LRRC37A2: variants seen among roughly 807,000 people sequenced by gnomAD.
LRRC37A2 encodes leucine rich repeat containing 37 member A2.
A neutral mutation model predicts 68.8 loss-of-function variants in LRRC37A2; 9 were observed. The ratio of observed to expected loss-of-function variants is 0.13; its 90% CI spans 0.08 to 0.23. The LOEUF (loss-of-function observed/expected upper bound fraction) is 0.23, where lower values mean the gene tolerates loss of function less well. LRRC37A2 is among the 10% of genes least tolerant of loss of function. LRRC37A2 has a pLI of 1.00. For synonymous variants in LRRC37A2, 63 were observed against 367.6 expected, an observed-to-expected ratio of 0.17 and a Z score of 9.48; for missense variants, 168 against 950.4, an observed-to-expected ratio of 0.18 and a Z score of 10.82.
chr17:46,962,942 A>G, the LRRC37A2 span, among the ~76,000 whole-genome samples: 1 of 152,208 alleles, frequency 6.6e-6, no homozygotes, highest in Non-Finnish European at 1.5e-5. Context: ...AATCCTTTCA[A>G]ACATACTTAG....
At chr17:46,903,218 T>C in the LRRC37A2 span, among the ~76,000 whole-genome samples, 1 of 151,136 alleles carries the variant, frequency 6.6e-6, no homozygotes, top group African/African-American at 2.4e-5. Flanking sequence ...GAGGTGGAGG[T>C]TGCAGTGAGC....
At chr17:46,550,737 C>T (rs1256619270) in intron 11 of LRRC37A2, among the ~76,000 whole-genome samples, 2 of 127,564 alleles carry the variant, frequency 1.6e-5, no homozygotes, top group South Asian at 5.2e-4. Context: ...TGAATTGAAA[C>T]CATGTGAATC....
At chr17:47,034,628 AG>A in the LRRC37A2 span, among the ~76,000 whole-genome samples, 13 of 151,858 alleles carry the variant, frequency 8.6e-5, no homozygotes, top group African/African-American at 3.1e-4. Context: ...TTTGTTACCC[AG>A]GCTGGTCTCA....
chr17:46,974,462 C>T, the LRRC37A2 span, among the ~76,000 whole-genome samples: 5 of 152,270 alleles, frequency 3.3e-5, no homozygotes, highest in South Asian at 2.1e-4. Context: ...CCGCCGGGCG[C>T]GGTGGCTCAC....
At chr17:46,552,752 T>G (rs559865205) in intron 11 of LRRC37A2, 1 of 91,422 alleles carries the variant, frequency 1.1e-5, no homozygotes, top group African/African-American at 4.0e-5. Context: ...ATATAACAAC[T>G]GTCAACAATG....
the LRRC37A2 span, among the ~76,000 whole-genome samples, chr17:46,856,553 C>T: frequency 1.3e-5 from 2 of 150,788 alleles, no homozygotes; most frequent in East Asian, 1.9e-4. Context: ...GGTGCAATCT[C>T]GGCTCACTGC....
the LRRC37A2 span, among the ~76,000 whole-genome samples, chr17:46,746,921 G>A: frequency 6.6e-6 from 1 of 152,138 alleles, no homozygotes; most frequent in African/African-American, 2.4e-5. Flanking sequence ...TTAAGTGGAG[G>A]TGTCCCTATT....
chr17:46,938,675 G>A, the LRRC37A2 span: 5 of 1,613,966 alleles, frequency 3.1e-6, no homozygotes, highest in African/African-American at 4.0e-5. Flanking sequence ...ATCGAGAAGC[G>A]GGCTTTCCAG....
At chr17:46,978,573 G>C in the LRRC37A2 span, 1 of 1,506,250 alleles carries the variant, frequency 6.6e-7, no homozygotes, top group East Asian at 2.6e-5. Flanking sequence ...AGAGCGCAGA[G>C]AGCGGGGCGA....
At chr17:46,926,463 G>A in the LRRC37A2 span, among the ~76,000 whole-genome samples, 90,355 of 151,926 alleles carry the variant, frequency 0.59, 26,878 homozygotes, top group Non-Finnish European at 0.62. Context: ...TTTTAAAGAC[G>A]GCTACAATGA....
At chr17:46,947,320 C>T in the LRRC37A2 span, among the ~76,000 whole-genome samples, 1 of 152,134 alleles carries the variant, frequency 6.6e-6, no homozygotes, top group Non-Finnish European at 1.5e-5. Context: ...AGTCTCTCTC[C>T]CAGGAGCACC....
the LRRC37A2 span, chr17:46,757,384 G>C: frequency 8.5e-5 from 13 of 152,634 alleles, no homozygotes; most frequent in Non-Finnish European, 1.5e-4. Context: ...TAATGTCTTT[G>C]TGTTTTGTCC....
At chr17:46,661,406 T>TTATTATTAC in the LRRC37A2 span, among the ~76,000 whole-genome samples, 17 of 108,222 alleles carry the variant, frequency 1.6e-4, no homozygotes, top group African/African-American at 5.4e-4. Context: ...ATTATTATTA[T>TTATTATTAC]TATTTTTGAG....
the LRRC37A2 span, among the ~76,000 whole-genome samples, chr17:46,498,928 G>A: frequency 2.7e-5 from 4 of 150,702 alleles, no homozygotes; most frequent in Admixed American, 6.6e-5. Context: ...TATACATGTA[G>A]AGGTAATAAT....
At chr17:46,783,070 C>T in the LRRC37A2 span, among the ~76,000 whole-genome samples, 11 of 152,192 alleles carry the variant, frequency 7.2e-5, 1 homozygote, top group South Asian at 6.2e-4. Context: ...ATTCTCTCAA[C>T]GGGGCTAGTT....
At chr17:46,821,963 C>G in the LRRC37A2 span, among the ~76,000 whole-genome samples, 3 of 152,240 alleles carry the variant, frequency 2.0e-5, no homozygotes, top group African/African-American at 7.2e-5. Context: ...ATCTCCGATC[C>G]AGGCACTGTG....
At chr17:47,017,105 G>C in the LRRC37A2 span, 1 of 1,564,818 alleles carries the variant, frequency 6.4e-7, no homozygotes, top group Non-Finnish European at 8.7e-7. Context: ...TGGTGACATG[G>C]AGCAGATCTG....
the LRRC37A2 span, among the ~76,000 whole-genome samples, chr17:46,770,540 G>A: frequency 5.9e-5 from 9 of 152,156 alleles, no homozygotes; most frequent in East Asian, 1.8e-3. Flanking sequence ...TCCGCACGTG[G>A]ATGCATAGGG....
At chr17:46,994,316 C>T in the LRRC37A2 span, among the ~76,000 whole-genome samples, 236 of 151,166 alleles carry the variant, frequency 1.6e-3, no homozygotes, top group Non-Finnish European at 3.0e-3. Flanking sequence ...GCCCCGGAGG[C>T]GAACGTTGTA....
Sources: allele counts gnomAD v4.1 joint callset (sites outside exome capture counted in the v4.1 genomes callset), GRCh38; gene constraint gnomAD v4.1.1; transcripts MANE v1.5; gene names NCBI Gene and HGNC (gene_info 2026-07-23, HGNC 2026-07-21).